The following TAFA4 variants were observed in gnomAD, a reference collection of about 807,000 sequenced individuals.
TAFA4 encodes TAFA chemokine like family member 4.
Under a neutral mutation model 21.1 loss-of-function variants are expected in TAFA4, and 20 were observed. That is an observed-to-expected ratio of 0.95 (90% CI 0.67 to 1.38). The LOEUF (loss-of-function observed/expected upper bound fraction) is 1.38. Among genes scored for constraint, TAFA4 ranks in the 40% most tolerant of loss-of-function variants. The pLI is 0.00. For missense variants in TAFA4, 211 were observed against 180.9 expected, an observed-to-expected ratio of 1.17 and a Z score of -0.95; for synonymous variants, 71 against 67.4, an observed-to-expected ratio of 1.05 and a Z score of -0.26.
At chr3:68,745,280 T>C (rs1025871805) in intron 4 of TAFA4, among the ~76,000 whole-genome samples, 1 of 152,222 alleles carries the variant, frequency 6.6e-6, no homozygotes, top group Non-Finnish European at 1.5e-5. Context: ...TTAAAGTTAC[T>C]GGTGAGAACA....
At chr3:68,828,938 G>A (rs186656927) in intron 3 of TAFA4, among the ~76,000 whole-genome samples, 1 of 152,220 alleles carries the variant, frequency 6.6e-6, no homozygotes, top group Non-Finnish European at 1.5e-5. Context: ...GTGAGAGAGG[G>A]CATCCATGTC....
intron 3 of TAFA4, among the ~76,000 whole-genome samples, chr3:68,877,316 G>A (rs957906708): frequency 3.9e-5 from 6 of 152,000 alleles, no homozygotes; most frequent in Middle Eastern, 3.2e-3. Flanking sequence ...CCGAGACTGC[G>A]CCACTGCACT....
intron 4 of TAFA4, among the ~76,000 whole-genome samples, chr3:68,744,242 G>A (rs1421860171): frequency 1.3e-5 from 2 of 152,196 alleles, no homozygotes; most frequent in African/African-American, 2.4e-5. Context: ...CGACAGTGAC[G>A]GTTCCACCTG....
At chr3:68,744,146 T>C (rs1228671720) in intron 4 of TAFA4, among the ~76,000 whole-genome samples, 2 of 152,192 alleles carry the variant, frequency 1.3e-5, no homozygotes, top group Admixed American at 1.3e-4. Context: ...TGAGAACCCG[T>C]GTACTTTGGA....
chr3:68,803,805 T>TTTTTTC, intron 3 of TAFA4, among the ~76,000 whole-genome samples: 1 of 132,858 alleles, frequency 7.5e-6, no homozygotes, highest in African/African-American at 2.8e-5. Flanking sequence ...TTCTTTTTTT[T>TTTTTTC]TTTTTTTTTT....
At chr3:68,816,171 G>T (rs867645461) in intron 3 of TAFA4, among the ~76,000 whole-genome samples, 12 of 152,200 alleles carry the variant, frequency 7.9e-5, no homozygotes, top group African/African-American at 1.7e-4. Context: ...GTTGTGGAGT[G>T]GGGGGAGGGA....
At chr3:68,928,719 T>C (rs995363922) in intron 1 of TAFA4, among the ~76,000 whole-genome samples, 7 of 152,118 alleles carry the variant, frequency 4.6e-5, no homozygotes, top group African/African-American at 1.7e-4. Context: ...AAGAAGCCAA[T>C]GTGGCCCTCC....
chr3:68,885,071 G>A, intron 2 of TAFA4, 104 bp downstream of exon 2: 1 of 1,048,434 alleles, frequency 9.5e-7, no homozygotes, highest in East Asian at 2.5e-5. Flanking sequence ...AAGTGTAAAA[G>A]CAGGCTTCTA....
At chr3:68,737,096 C>G (rs111436734) in intron 5 of TAFA4, among the ~76,000 whole-genome samples, 3,353 of 152,160 alleles carry the variant, frequency 0.022, 134 homozygotes, top group African/African-American at 0.077. Context: ...CTACAGTTGG[C>G]TTTTGCTCAT....
At chr3:68,805,503 C>A (rs1425437905) in intron 3 of TAFA4, among the ~76,000 whole-genome samples, 1 of 152,172 alleles carries the variant, frequency 6.6e-6, no homozygotes, top group Non-Finnish European at 1.5e-5. Flanking sequence ...GACACATGCA[C>A]ACGTATGTTT....
chr3:68,779,778 G>C (rs748214173), intron 3 of TAFA4, among the ~76,000 whole-genome samples: 6 of 152,226 alleles, frequency 3.9e-5, no homozygotes, highest in Non-Finnish European at 5.9e-5. Context: ...TGCTAGGACA[G>C]TGAAGAAGGG....
In TAFA4 at chr3:68,799,851, C is replaced by G. The variant is rs114132263; in HGVS notation, c.131-46833G>C. On this transcript the variant is annotated intron_variant, in intron 3 of 5. Coordinates refer to ENST00000295569, the MANE Select transcript of TAFA4 (RefSeq NM_182522.5). Reference sequence around the variant, plus strand: ...GTAAGTGGCCAGTGAGTTAGCAAAGCTTCATCTGTATTTACAGCCGCTCCC... The same window carrying G: ...GTAAGTGGCCAGTGAGTTAGCAAAGGTTCATCTGTATTTACAGCCGCTCCC... 5.8e-3 allele frequency among the ~76,000 whole-genome samples: 889 copies of G among 152,260 alleles called. 11 individuals are homozygous for G. The highest frequency in any genetic ancestry group is 0.037 in the Middle Eastern group (11 of 294).
chr3:68,741,265 G>A (rs1215319142), intron 4 of TAFA4, among the ~76,000 whole-genome samples: 3 of 152,110 alleles, frequency 2.0e-5, no homozygotes, highest in Non-Finnish European at 1.5e-5. Context: ...TCCAATCCAC[G>A]AACACAGGAT....
At position 68,733,171 on chromosome 3, in the gene TAFA4, A is replaced by T; in HGVS notation, c.412-18T>A. 1.9e-6 allele frequency: 3 copies of T among 1,612,912 alleles called. No homozygotes were observed. The highest frequency in any genetic ancestry group is 2.5e-6 in the Non-Finnish European group (3 of 1,179,250). ...CGCGTTACCTAAAACAAATCAAAATAAGGGAACATTCAACACTCTATACCC... is the reference window on the plus strand; with the variant it reads ...CGCGTTACCTAAAACAAATCAAAATTAGGGAACATTCAACACTCTATACCC... On this transcript the variant is annotated intron_variant, in intron 5 of 5. Coordinates refer to ENST00000295569, the MANE Select transcript of TAFA4 (RefSeq NM_182522.5).
chr3:68,830,155 T>G (rs1049446810), intron 3 of TAFA4, among the ~76,000 whole-genome samples: 1 of 152,188 alleles, frequency 6.6e-6, no homozygotes, highest in East Asian at 1.9e-4. Context: ...GATTCATTGA[T>G]TATTTGAAGG....
At chr3:68,824,142 G>A (rs951485999) in intron 3 of TAFA4, among the ~76,000 whole-genome samples, 1 of 152,130 alleles carries the variant, frequency 6.6e-6, no homozygotes, top group Non-Finnish European at 1.5e-5. Flanking sequence ...TTAAAAAATC[G>A]TAACGACAAC....
intron 3 of TAFA4, among the ~76,000 whole-genome samples, chr3:68,768,637 T>C (rs1702899461): frequency 6.6e-6 from 1 of 152,062 alleles, no homozygotes; most frequent in Non-Finnish European, 1.5e-5. Context: ...CCAAAAAAAA[T>C]AGCTGCAGTG....
At chr3:68,789,529 C>T (rs1264574806) in intron 3 of TAFA4, among the ~76,000 whole-genome samples, 1 of 152,100 alleles carries the variant, frequency 6.6e-6, no homozygotes, top group African/African-American at 2.4e-5. Context: ...ACATTAGACA[C>T]CTTAAATATA....
intron 1 of TAFA4, among the ~76,000 whole-genome samples, chr3:68,918,132 TACACAC>T (rs71618251): frequency 6.7e-6 from 1 of 148,826 alleles, no homozygotes; most frequent in Non-Finnish European, 1.5e-5. Flanking sequence ...CAGACACACA[TACACAC>T]ACACACACAC....
Sources: allele counts gnomAD v4.1 joint callset (sites outside exome capture counted in the v4.1 genomes callset), GRCh38; gene constraint gnomAD v4.1.1; transcripts MANE v1.5; gene names NCBI Gene and HGNC (gene_info 2026-07-23, HGNC 2026-07-21).